Variants in CERS4 observed in about 807,000 individuals in gnomAD.
CERS4 encodes the protein ceramide synthase 4.
CERS4 carries 65 observed loss-of-function variants against 51.8 expected under a neutral mutation model. The observed-to-expected ratio is 1.26, with a 90% confidence interval of 1.03 to 1.54. The LOEUF is 1.54. CERS4 is among the 40% of genes most tolerant of loss of function. CERS4 has a pLI of 0.00. For synonymous variants in CERS4, 228 were observed against 208.4 expected, an observed-to-expected ratio of 1.09 and a Z score of -0.81; for missense variants, 563 against 500.4, an observed-to-expected ratio of 1.13 and a Z score of -1.19.
At position 8,255,815 on chromosome 19, in the gene CERS4, T is replaced by C. The variant is rs745863399; in HGVS notation, c.411-7T>C. 1.3e-5 allele frequency: 21 copies of C among 1,613,814 alleles called. No homozygotes were observed. In the Admixed American group the frequency reaches 3.3e-4, roughly 26 times the overall value. ...TGCTATTTTCACAGCTCCCTCCCCATCCACAGCTGGAGGTTTCTCTTCTAC... is the reference window on the plus strand; with the variant it reads ...TGCTATTTTCACAGCTCCCTCCCCACCCACAGCTGGAGGTTTCTCTTCTAC... On this transcript the variant is annotated splice_polypyrimidine_tract_variant and splice_region_variant and intron_variant, in intron 5 of 11. Coordinates refer to ENST00000251363, the MANE Select transcript of CERS4 (RefSeq NM_024552.3).
intron 6 of CERS4, 90 bp from the exon 7 acceptor site, chr19:8,256,146 G>A: frequency 1.5e-6 from 2 of 1,353,214 alleles, no homozygotes; most frequent in Non-Finnish European, 2.1e-6. Context: ...GCATCTATGT[G>A]ACTGTGGAAG....
At chr19:8,236,149 C>T (rs1423652128) in intron 2 of CERS4, among the ~76,000 whole-genome samples, 4 of 152,044 alleles carry the variant, frequency 2.6e-5, no homozygotes, top group South Asian at 2.1e-4. Flanking sequence ...GAGCCGAGAT[C>T]GCGCCACTGC....
At chr19:8,255,240 G>C (rs537025994) in intron 4 of CERS4, among the ~76,000 whole-genome samples, 4 of 152,284 alleles carry the variant, frequency 2.6e-5, no homozygotes, top group South Asian at 2.1e-4. Flanking sequence ...TCCCTCTTCA[G>C]GTAGGGCTTG....
chr19:8,251,144 C>G lies in CERS4; in HGVS notation c.68C>G (p.Thr23Arg). 1 of 1,613,030 alleles carries G rather than the reference C, an allele frequency of 6.2e-7. No homozygotes were observed. Among genetic ancestry groups the G allele is most frequent in the Non-Finnish European group, 8.5e-7 (1 of 1,179,648 alleles). Residue 23 changes from threonine (T) to arginine (R), a missense_variant, in exon 3 of 12, where the codon ACA becomes AGA. Thr to Arg is a moderately conservative substitution (Grantham distance 71). Coordinates refer to ENST00000251363, the MANE Select transcript of CERS4 (RefSeq NM_024552.3). ...TGGTTACCACCCAATGTCACGTGGACAGAGCTAGAAGACCGGGATGGCCGT... is the reference window on the plus strand; with the variant it reads ...TGGTTACCACCCAATGTCACGTGGAGAGAGCTAGAAGACCGGGATGGCCGT... ...RFWLPPNVTW[T>R]ELEDRDGRVY...
intron 2 of CERS4, among the ~76,000 whole-genome samples, chr19:8,220,000 T>A (rs960227186): frequency 8.3e-5 from 10 of 120,044 alleles, no homozygotes; most frequent in African/African-American, 2.9e-4. Context: ...AAAAAAAAAA[T>A]TTGTTAAGTG....
chr19:8,248,317 G>GGACA (rs1178216528), intron 2 of CERS4, among the ~76,000 whole-genome samples: 2 of 152,296 alleles, frequency 1.3e-5, no homozygotes, highest in East Asian at 1.9e-4. Flanking sequence ...ATGGATGGAT[G>GGACA]GACAGACAGA....
intron 2 of CERS4, among the ~76,000 whole-genome samples, chr19:8,225,513 TC>T (rs1967750407): frequency 7.1e-6 from 1 of 141,332 alleles, no homozygotes; most frequent in East Asian, 2.1e-4. Context: ...AACCTCCGCC[TC>T]CCGGGTTCAA....
intron 2 of CERS4, among the ~76,000 whole-genome samples, chr19:8,243,218 AAAAAAT>A (rs1219045370): frequency 5.6e-5 from 8 of 142,886 alleles, no homozygotes; most frequent in African/African-American, 2.4e-4. Context: ...AAAAAAAAAA[AAAAAAT>A]AGGGGATTGC....
At chr19:8,247,734 T>TTC (rs1968854247) in intron 2 of CERS4, among the ~76,000 whole-genome samples, 1 of 128,646 alleles carries the variant, frequency 7.8e-6, no homozygotes, top group Non-Finnish European at 1.6e-5. Flanking sequence ...CTCCGCATCT[T>TTC]TTTTTTTTTT....
intron 10 of CERS4, 64 bp downstream of exon 10, chr19:8,258,049 C>A: frequency 7.9e-7 from 1 of 1,267,808 alleles, no homozygotes; most frequent in Non-Finnish European, 1.2e-6. Flanking sequence ...CCAGGACTGC[C>A]TCACCATTGG....
At chr19:8,233,607 T>C (rs964409411) in intron 2 of CERS4, among the ~76,000 whole-genome samples, 3 of 152,132 alleles carry the variant, frequency 2.0e-5, no homozygotes, top group African/African-American at 7.2e-5. Context: ...GCCATTAGTG[T>C]CTCTCTGTAC....
intron 2 of CERS4, among the ~76,000 whole-genome samples, chr19:8,227,398 C>A (rs1312489371): frequency 6.6e-6 from 1 of 151,932 alleles, no homozygotes; most frequent in African/African-American, 2.4e-5. Context: ...GTGGTGCGAT[C>A]TCGGCTCACT....
chr19:8,260,779 CCTCT>C (rs553250277), intron 10 of CERS4, among the ~76,000 whole-genome samples: 1 of 151,072 alleles, frequency 6.6e-6, no homozygotes, highest in Non-Finnish European at 1.5e-5. Flanking sequence ...GCAAAAACCA[CCTCT>C]CTACTAAAAA....
chr19:8,215,632 C>T (rs778799598), intron 2 of CERS4, among the ~76,000 whole-genome samples: 9 of 152,270 alleles, frequency 5.9e-5, no homozygotes, highest in East Asian at 1.9e-4. Flanking sequence ...ACTCCCACCA[C>T]GAACCTGGGC....
rs150333123 is a variant in CERS4, at chr19:8,214,694, A to G, written c.-2+3832A>G. On this transcript the variant is annotated intron_variant, in intron 2 of 11. Coordinates refer to ENST00000251363, the MANE Select transcript of CERS4 (RefSeq NM_024552.3). ...TTGCACGGTTACTTTGTCGTCCTGT[A>G]TGTGCAGTGGTCACCTGTGCTGGGG... is the stretch of plus-strand genomic sequence containing the variant. Among the ~76,000 whole-genome samples the G allele has an allele frequency of 3.3e-5, 5 of 151,972 alleles. No homozygotes were observed. In the East Asian group the frequency reaches 7.8e-4, roughly 24 times the overall value.
chr19:8,238,447 A>T (rs1968370703), intron 2 of CERS4: 1 of 941,252 alleles, frequency 1.1e-6, no homozygotes, highest in African/African-American at 1.8e-5. Context: ...GCACTGATGC[A>T]GAGGCCTGGA....
In CERS4 at chr19:8,262,224, G is replaced by C. The variant is rs534516376; in HGVS notation, c.*115G>C. ...CTGGAGACAGGGAGGGCCCCACCCGGGGTGGGTGGGAAGGCTGATGATCTG... is the reference window on the plus strand; with the variant it reads ...CTGGAGACAGGGAGGGCCCCACCCGCGGTGGGTGGGAAGGCTGATGATCTG... On this transcript the variant is annotated 3_prime_UTR_variant, in exon 12 of 12. Transcript: ENST00000251363. 10 of 1,175,028 alleles carry C rather than the reference G, an allele frequency of 8.5e-6. No individual in the cohort carries two copies. The highest frequency in any genetic ancestry group is 1.1e-5 in the Non-Finnish European group (10 of 891,346). The allele number at this position is 1,175,028 out of a possible 1,614,324, so 72.8% of individuals were successfully genotyped here.
At chr19:8,255,997 A>C (rs1305623211) in intron 6 of CERS4, 118 bp downstream of exon 6, 12 of 1,192,940 alleles carry the variant, frequency 1.0e-5, no homozygotes, top group African/African-American at 1.5e-5. Context: ...CTGAGGAGAG[A>C]GCGAGCTTTG....
At chr19:8,256,132 G>A (rs1969367425) in intron 6 of CERS4, 104 bp from the exon 7 acceptor site, 1 of 1,255,360 alleles carries the variant, frequency 8.0e-7, no homozygotes, top group Non-Finnish European at 1.1e-6. Context: ...GCTGGGTGAA[G>A]GTAGCATCTA....
Sources: gnomAD v4.1 joint callset for allele counts (sites outside exome capture counted in the v4.1 genomes callset) on GRCh38, gnomAD v4.1.1 for gene constraint, MANE v1.5 for transcripts, NCBI Gene and HGNC (gene_info 2026-07-23, HGNC 2026-07-21) for gene names.